The following DCUN1D1 variants were observed in gnomAD, a reference collection of about 807,000 sequenced individuals.
The protein encoded by DCUN1D1 is defective in cullin neddylation 1 domain containing 1.
In DCUN1D1, 3 loss-of-function variants were observed where a neutral mutation model predicts 39.0. The ratio of observed to expected loss-of-function variants is 0.08; its 90% CI spans 0.04 to 0.20. The LOEUF (loss-of-function observed/expected upper bound fraction) is 0.20, where lower values mean the gene tolerates loss of function less well. Among genes scored for constraint, DCUN1D1 ranks in the 10% least tolerant of loss-of-function variants. DCUN1D1 has a pLI of 1.00. For synonymous variants in DCUN1D1, 82 were observed against 96.3 expected, an observed-to-expected ratio of 0.85 and a Z score of 0.87; for missense variants, 158 against 302.4, an observed-to-expected ratio of 0.52 and a Z score of 3.54.
intron 1 of DCUN1D1, among the ~76,000 whole-genome samples, chr3:182,973,296 C>T (rs1248045326): frequency 2.0e-5 from 3 of 152,124 alleles, no homozygotes; most frequent in South Asian, 4.2e-4. Context: ...TTTCATCATG[C>T]TAACTCAGAA....
At chr3:182,977,842 C>A (rs1728318216) in intron 1 of DCUN1D1, among the ~76,000 whole-genome samples, 1 of 151,856 alleles carries the variant, frequency 6.6e-6, no homozygotes, top group Admixed American at 6.6e-5. Flanking sequence ...GAGTTCGAGA[C>A]CAGCCAGGTC....
intron 4 of DCUN1D1, among the ~76,000 whole-genome samples, chr3:182,960,834 A>C (rs1349024333): frequency 6.6e-6 from 1 of 152,210 alleles, no homozygotes; most frequent in Non-Finnish European, 1.5e-5. Context: ...AAAAGAATAA[A>C]TTTATCTGGC....
chr3:182,946,125 A>G lies in DCUN1D1; in HGVS notation c.701-952T>C, dbSNP rs555408651. On this transcript the variant is annotated intron_variant, in intron 6 of 6. Transcript: ENST00000292782. ...AGAAATCAATGTAAATCACTTCTACATATAGAAAAATACAAGTCCACATCC... is the reference window on the plus strand; with the variant it reads ...AGAAATCAATGTAAATCACTTCTACGTATAGAAAAATACAAGTCCACATCC... Among the ~76,000 whole-genome samples the G allele has an allele frequency of 6.6e-5, 10 of 152,342 alleles. No homozygotes were observed. The South Asian group carries it at 1.9e-3, about 28-fold the overall frequency.
chr3:182,940,392 T>A lies in DCUN1D1; in HGVS notation c.*4702A>T, dbSNP rs1310691068. On this transcript the variant is annotated 3_prime_UTR_variant, in exon 7 of 7. Transcript: ENST00000292782. ...CCTAAGTTTCAAACACTTCATTGTT[T>A]CCAATCAGGCTTTGTTTTTACGATG... 1 of 152,180 alleles carries A rather than the reference T, an allele frequency of 6.6e-6. No individual in the cohort carries two copies. Among genetic ancestry groups the A allele is most frequent in the Non-Finnish European group, 1.5e-5 (1 of 68,036 alleles). The allele number at this position is 152,180 out of a possible 1,614,324, so 9.4% of individuals were successfully genotyped here.
At chr3:182,966,277 C>T (rs1727664232) in intron 1 of DCUN1D1, among the ~76,000 whole-genome samples, 1 of 152,198 alleles carries the variant, frequency 6.6e-6, no homozygotes, top group Non-Finnish European at 1.5e-5. Flanking sequence ...CCCTCCCCAA[C>T]ACCACCTACC....
At chr3:182,966,032 A>G (rs1394898498) in intron 1 of DCUN1D1, among the ~76,000 whole-genome samples, 6 of 152,110 alleles carry the variant, frequency 3.9e-5, no homozygotes, top group Non-Finnish European at 7.4e-5. Context: ...GAGAGCATAC[A>G]GAAAGGCTGC....
intron 4 of DCUN1D1, among the ~76,000 whole-genome samples, chr3:182,957,369 G>A (rs896095036): frequency 1.3e-5 from 2 of 152,222 alleles, no homozygotes; most frequent in Admixed American, 1.3e-4. Context: ...GCTCATGCCT[G>A]TAATCCCAAG....
rs1221548612 is a variant in DCUN1D1 at position 182,944,801 on chromosome 3, C to T, written c.*293G>A. ...AAACCTCAAAATAATCACCATAAAG[C>T]TTCTAAGACTTATGGGAGAATAAAC... On this transcript the variant is annotated 3_prime_UTR_variant, in exon 7 of 7. Transcript: ENST00000292782. 1 of 269,828 alleles carries T rather than the reference C, an allele frequency of 3.7e-6. No homozygotes were observed. The highest frequency in any genetic ancestry group is 7.0e-6 in the Non-Finnish European group (1 of 142,420). The allele number at this position is 269,828 out of a possible 1,614,324, so 16.7% of individuals were successfully genotyped here. A position where few individuals can be genotyped will look rare whatever the true frequency, so the allele number is the denominator to read the frequency against.
intron 1 of DCUN1D1, among the ~76,000 whole-genome samples, chr3:182,975,373 T>C (rs1428736745): frequency 6.6e-6 from 1 of 151,882 alleles, no homozygotes; most frequent in East Asian, 1.9e-4. Context: ...AGATGGGGTT[T>C]CACCGTGTTA....
At chr3:182,980,541 ACGG>A (rs750985794), upstream of DCUN1D1, 562 of 1,217,228 alleles carry the variant, frequency 4.6e-4, no homozygotes, top group South Asian at 2.3e-3. Context: ...CAGCGAATGG[ACGG>A]CGGCGGCGGC....
chr3:182,980,058 CG>C (rs1365519903), intron 1 of DCUN1D1: 70 of 672,970 alleles, frequency 1.0e-4, no homozygotes, highest in Non-Finnish European at 1.0e-4. Context: ...GGCTTCGGGG[CG>C]GGGGGAGGCT....
chr3:182,978,933 G>A (rs1382512615), intron 1 of DCUN1D1, among the ~76,000 whole-genome samples: 1 of 152,170 alleles, frequency 6.6e-6, no homozygotes, highest in Non-Finnish European at 1.5e-5. Flanking sequence ...ACTGTCTAGG[G>A]GATGATGCGG....
At chr3:182,955,448 C>A in intron 4 of DCUN1D1, 1 of 541,998 alleles carries the variant, frequency 1.8e-6, no homozygotes, top group South Asian at 1.4e-5. Flanking sequence ...GGCACATGGT[C>A]TACACGTTAT....
At chr3:182,976,712 T>C (rs1728257719) in intron 1 of DCUN1D1, among the ~76,000 whole-genome samples, 1 of 152,194 alleles carries the variant, frequency 6.6e-6, no homozygotes, top group African/African-American at 2.4e-5. Context: ...CTATATACTA[T>C]GTTTATTATT....
In DCUN1D1 at chr3:182,963,952, C is replaced by T. The variant is rs4859146; in HGVS notation, c.318G>A (p.Ala106=). The T allele has an allele frequency of 0.74, 1,189,316 of 1,613,228 alleles. 446,850 individuals carry two copies. The highest frequency in any genetic ancestry group is 0.77 in the Non-Finnish European group (908,692 of 1,179,484). The change falls in exon 3 of 7, where the codon GCG becomes GCA. Residue 106 remains alanine, a synonymous_variant. Coordinates refer to ENST00000292782, the MANE Select transcript of DCUN1D1 (RefSeq NM_020640.4). ...ACTGTGTTGCTGCTCTGAACTTCCA[C>T]GCAATAATCAACACACTAATGCTGG... ...DPASISVLII[A]WKFRAATQCE...
At position 182,943,674 on chromosome 3, in the gene DCUN1D1, G is replaced by T. The variant is rs182777115; in HGVS notation, c.*1420C>A. Reference sequence around the variant, plus strand: ...AAAAGACCATAATCATCAAACATTTGAAGTATTACATTTCTAGCCTGCCTT... The same window carrying T: ...AAAAGACCATAATCATCAAACATTTTAAGTATTACATTTCTAGCCTGCCTT... On this transcript the variant is annotated 3_prime_UTR_variant, in exon 7 of 7. Transcript: ENST00000292782. 4.9e-3 allele frequency: 745 copies of T among 152,506 alleles called. 2 individuals are homozygous for T. The highest frequency in any genetic ancestry group is 8.8e-3 in the Non-Finnish European group (597 of 67,984). 9.4% of individuals were successfully genotyped at this position (152,506 alleles called of 1,614,324 possible). A position where few individuals can be genotyped will look rare whatever the true frequency, so the allele number is the denominator to read the frequency against.
chr3:182,975,941 G>A (rs1051520930), intron 1 of DCUN1D1, among the ~76,000 whole-genome samples: 1 of 150,216 alleles, frequency 6.7e-6, no homozygotes, highest in Non-Finnish European at 1.5e-5. Context: ...TGTCTGACTA[G>A]TAGAGTGTAC....
rs1221928355 is a variant in DCUN1D1, at chr3:182,942,683, G to A, written c.*2411C>T. The A allele has an allele frequency of 6.6e-6, 1 of 152,070 alleles. No individual in the cohort carries two copies. The highest frequency in any genetic ancestry group is 1.5e-5 in the Non-Finnish European group (1 of 68,000). 9.4% of individuals were successfully genotyped at this position (152,070 alleles called of 1,614,324 possible). ...CTTAGGAGTTAAAGCAATTCAAGGG[G>A]CGTGTGTGTGTCTCTCCCTTTCTCT... is the stretch of plus-strand genomic sequence containing the variant. On this transcript the variant is annotated 3_prime_UTR_variant, in exon 7 of 7. Transcript: ENST00000292782.
intron 4 of DCUN1D1, among the ~76,000 whole-genome samples, chr3:182,949,587 G>T (rs1287422762): frequency 3.3e-5 from 5 of 152,040 alleles, no homozygotes; most frequent in Middle Eastern, 3.4e-3. Flanking sequence ...ATTCATGGTG[G>T]TGCATGCCTG....
Sources: allele counts gnomAD v4.1 joint callset (sites outside exome capture counted in the v4.1 genomes callset), GRCh38; gene constraint gnomAD v4.1.1; transcripts MANE v1.5; gene names NCBI Gene and HGNC (gene_info 2026-07-23, HGNC 2026-07-21).